SDK1: variants seen among roughly 807,000 people sequenced by gnomAD.
SDK1 encodes protein sidekick-1.
A neutral mutation model predicts 245.5 loss-of-function variants in SDK1; 157 were observed. The observed-to-expected ratio is 0.64, with a 90% CI of 0.56 to 0.73. The LOEUF (loss-of-function observed/expected upper bound fraction) is 0.73, where lower values mean the gene tolerates loss of function less well. SDK1 is among the 30% of genes least tolerant of loss of function. The pLI is 0.00. For synonymous variants in SDK1, 1,647 were observed against 1,278.5 expected (o/e 1.29, Z -6.15); for missense variants, 3,583 against 3,002.3 (o/e 1.19, Z -4.52).
intron 1 of SDK1, among the ~76,000 whole-genome samples, chr7:3,573,907 G>C (rs1780198512): frequency 6.6e-6 from 1 of 151,950 alleles, no homozygotes; most frequent in South Asian, 2.1e-4. Flanking sequence ...ACTATGTTTT[G>C]TGTCCTTTTT....
chr7:4,057,395 G>A (rs955814982), intron 19 of SDK1, among the ~76,000 whole-genome samples: 1 of 152,082 alleles, frequency 6.6e-6, no homozygotes, highest in Non-Finnish European at 1.5e-5. Flanking sequence ...ATCACAGCTG[G>A]CACCCATTCC....
At chr7:4,083,790 C>A (rs1367266625) in intron 22 of SDK1, among the ~76,000 whole-genome samples, 5 of 121,424 alleles carry the variant, frequency 4.1e-5, no homozygotes, top group Middle Eastern at 4.2e-3. Flanking sequence ...TCCCTCCTTT[C>A]CTCTCTCCCT....
intron 40 of SDK1, among the ~76,000 whole-genome samples, chr7:4,222,699 C>T (rs922727335): frequency 9.2e-5 from 14 of 152,298 alleles, no homozygotes; most frequent in South Asian, 4.1e-4. Flanking sequence ...CAGACGTGCT[C>T]GCCTGGGGGA....
At chr7:3,595,643 G>T (rs1781028523) in intron 1 of SDK1, among the ~76,000 whole-genome samples, 1 of 151,704 alleles carries the variant, frequency 6.6e-6, no homozygotes, top group Non-Finnish European at 1.5e-5. Flanking sequence ...TTGTACCACA[G>T]GGGTTTGACC....
chr7:3,826,854 G>A (rs1423617934), intron 5 of SDK1, among the ~76,000 whole-genome samples: 3 of 152,028 alleles, frequency 2.0e-5, no homozygotes, highest in Admixed American at 1.3e-4. Flanking sequence ...CTAATATTTC[G>A]TTTCTGCGCC....
chr7:3,353,745 GGGA>G (rs1164298379), intron 1 of SDK1, among the ~76,000 whole-genome samples: 1 of 151,296 alleles, frequency 6.6e-6, no homozygotes, highest in Non-Finnish European at 1.5e-5. Context: ...CATGGTTAAA[GGGA>G]GCATGCTTCC....
intron 22 of SDK1, among the ~76,000 whole-genome samples, chr7:4,085,797 C>G (rs530463452): frequency 6.6e-6 from 1 of 152,088 alleles, no homozygotes; most frequent in Non-Finnish European, 1.5e-5. Flanking sequence ...TCAAGTGATC[C>G]GCCCGCCTCA....
chr7:3,792,759 C>G (rs1350001458), intron 4 of SDK1, among the ~76,000 whole-genome samples: 1 of 152,098 alleles, frequency 6.6e-6, no homozygotes, highest in East Asian at 1.9e-4. Context: ...ACCCCCTCCC[C>G]CTCCAGTCTC....
chr7:3,802,259 C>G (rs1159318997), intron 4 of SDK1, among the ~76,000 whole-genome samples: 1 of 152,164 alleles, frequency 6.6e-6, no homozygotes, highest in East Asian at 1.9e-4. Context: ...GGGCTGGTCT[C>G]ACGCCTGTAA....
intron 1 of SDK1, among the ~76,000 whole-genome samples, chr7:3,548,443 C>T (rs776589050): frequency 5.3e-5 from 8 of 152,092 alleles, no homozygotes; most frequent in Admixed American, 3.3e-4. Context: ...ATAGATAATG[C>T]GAGATTACGA....
intron 1 of SDK1, among the ~76,000 whole-genome samples, chr7:3,344,772 T>A (rs1017154157): frequency 2.0e-5 from 3 of 152,134 alleles, no homozygotes; most frequent in African/African-American, 7.2e-5. Flanking sequence ...ACTGCAGGAG[T>A]GTCCCTGGTA....
intron 30 of SDK1, among the ~76,000 whole-genome samples, chr7:4,156,460 A>G (rs1420414072): frequency 1.3e-5 from 2 of 152,106 alleles, no homozygotes; most frequent in Non-Finnish European, 2.9e-5. Flanking sequence ...CTGTTTTTCC[A>G]GTTGTGGACG....
At chr7:3,885,161 G>A (rs1199143898) in intron 5 of SDK1, among the ~76,000 whole-genome samples, 1 of 152,136 alleles carries the variant, frequency 6.6e-6, no homozygotes, top group African/African-American at 2.4e-5. Flanking sequence ...TCCACAACGC[G>A]AGGGCTGTGG....
At chr7:3,363,585 A>T (rs1781010139) in intron 1 of SDK1, among the ~76,000 whole-genome samples, 1 of 152,104 alleles carries the variant, frequency 6.6e-6, no homozygotes, top group Non-Finnish European at 1.5e-5. Context: ...CAGTTTTTCC[A>T]TGGACCAAGG....
intron 1 of SDK1, among the ~76,000 whole-genome samples, chr7:3,351,264 G>A (rs898117801): frequency 6.6e-6 from 1 of 152,022 alleles, no homozygotes; most frequent in Non-Finnish European, 1.5e-5. Flanking sequence ...GAGAATTTAG[G>A]AAAGTTATAT....
At chr7:3,734,931 C>T (rs978116259) in intron 4 of SDK1, among the ~76,000 whole-genome samples, 2 of 152,156 alleles carry the variant, frequency 1.3e-5, no homozygotes, top group African/African-American at 4.8e-5. Flanking sequence ...AAGCAGTCTG[C>T]CTTGAGTGCC....
At chr7:3,947,136 A>C (rs1780608451) in intron 5 of SDK1, among the ~76,000 whole-genome samples, 1 of 152,104 alleles carries the variant, frequency 6.6e-6, no homozygotes, top group African/African-American at 2.4e-5. Context: ...TTGTAACTCT[A>C]AGATATATAC....
At chr7:3,575,695 C>G (rs534901458) in intron 1 of SDK1, among the ~76,000 whole-genome samples, 1 of 151,988 alleles carries the variant, frequency 6.6e-6, no homozygotes, top group African/African-American at 2.4e-5. Flanking sequence ...TTTGGGGGAT[C>G]AACTTATAAA....
chr7:3,588,169 A>T (rs1370660718), intron 1 of SDK1, among the ~76,000 whole-genome samples: 1 of 152,304 alleles, frequency 6.6e-6, no homozygotes, highest in East Asian at 1.9e-4. Flanking sequence ...ACTTATTATA[A>T]TCTGATTTGT....
Sources: allele counts gnomAD v4.1 joint callset (sites outside exome capture counted in the v4.1 genomes callset), GRCh38; gene constraint gnomAD v4.1.1; transcripts MANE v1.5; gene names NCBI Gene and HGNC (gene_info 2026-07-23, HGNC 2026-07-21).